Variants in TAOK1 observed in about 807,000 individuals in gnomAD.
TAOK1 encodes TAO kinase 1.
Under a neutral mutation model 138.3 loss-of-function variants are expected in TAOK1, and 21 were observed. That is an observed-to-expected ratio of 0.15 (90% CI 0.11 to 0.22). The LOEUF (loss-of-function observed/expected upper bound fraction) is 0.22. Among genes scored for constraint, TAOK1 ranks in the 10% least tolerant of loss-of-function variants. TAOK1 has a pLI of 1.00. For missense variants in TAOK1, 651 were observed against 1,227.7 expected, an observed-to-expected ratio of 0.53 and a Z score of 7.02; for synonymous variants, 361 against 398.4, an observed-to-expected ratio of 0.91 and a Z score of 1.12.
chr17:29,446,078 CT>C (rs1453883032), intron 1 of TAOK1, among the ~76,000 whole-genome samples: 1 of 152,010 alleles, frequency 6.6e-6, no homozygotes, highest in Non-Finnish European at 1.5e-5. Flanking sequence ...ATTTCCTCAT[CT>C]TTTTAATGTG....
rs1598533079 is a variant in TAOK1 at position 29,542,663 on chromosome 17, A to G, written c.2647A>G (p.Met883Val). Residue 883 changes from methionine (M) to valine (V), a missense_variant, in exon 20 of 20, where the codon ATG becomes GTG. Transcript: ENST00000261716. ...REIEAFDSES[M>V]RLGFSNMVLS... Reference sequence around the variant, plus strand: ...GATTGAAGCTTTTGACTCTGAAAGCATGAGACTAGGTTTTAGTAATATGGT... The same window carrying G: ...GATTGAAGCTTTTGACTCTGAAAGCGTGAGACTAGGTTTTAGTAATATGGT... 1 of 1,614,282 alleles carries G rather than the reference A, an allele frequency of 6.2e-7. No individual in the cohort carries two copies. The highest frequency in any genetic ancestry group is 8.5e-7 in the Non-Finnish European group (1 of 1,180,056).
chr17:29,498,294 G>T, intron 11 of TAOK1, 24 bp from the exon 12 acceptor site: 1 of 1,612,662 alleles, frequency 6.2e-7, no homozygotes, highest in East Asian at 2.2e-5. Flanking sequence ...TATTTGAACT[G>T]AACTGAATGT....
intron 1 of TAOK1, among the ~76,000 whole-genome samples, chr17:29,397,147 T>C (rs1412631634): frequency 6.7e-6 from 1 of 150,094 alleles, no homozygotes; most frequent in African/African-American, 2.5e-5. Flanking sequence ...ATACAAAAAT[T>C]AGCCGGGCGT....
chr17:29,522,124 A>G (rs1174849275), intron 16 of TAOK1, among the ~76,000 whole-genome samples, 156 bp from the exon 17 acceptor site: 1 of 152,268 alleles, frequency 6.6e-6, no homozygotes, highest in East Asian at 1.9e-4. Context: ...TTGCCCATTT[A>G]AAGAGGTAAA....
intron 1 of TAOK1, among the ~76,000 whole-genome samples, chr17:29,436,035 C>G (rs1403244891): frequency 6.6e-6 from 1 of 152,132 alleles, no homozygotes; most frequent in Non-Finnish European, 1.5e-5. Context: ...AAGGCTGAGG[C>G]AAGGGAATCG....
intron 1 of TAOK1, among the ~76,000 whole-genome samples, chr17:29,395,488 G>A (rs983549512): frequency 3.3e-5 from 5 of 152,224 alleles, no homozygotes; most frequent in Admixed American, 2.0e-4. Context: ...TTGAGATGGC[G>A]CCACTGCCTG....
chr17:29,413,633 G>C (rs1379536612), intron 1 of TAOK1, among the ~76,000 whole-genome samples: 1 of 152,058 alleles, frequency 6.6e-6, no homozygotes, highest in Non-Finnish European at 1.5e-5. Context: ...CCATTTTAAA[G>C]TAAACAGTTC....
chr17:29,540,681 C>T (rs894691719), intron 19 of TAOK1, among the ~76,000 whole-genome samples: 21 of 152,206 alleles, frequency 1.4e-4, no homozygotes, highest in African/African-American at 5.1e-4. Context: ...AGCGATTCTT[C>T]TGCTTCAGTC....
At chr17:29,481,429 A>G (rs2031060215) in intron 7 of TAOK1, among the ~76,000 whole-genome samples, 2 of 151,848 alleles carry the variant, frequency 1.3e-5, no homozygotes, top group Admixed American at 1.3e-4. Context: ...TGACCTCGTG[A>G]TCTGTCCACC....
rs1032832341 is a variant in TAOK1 at position 29,508,146 on chromosome 17, T to C, written c.1575+14T>C. 1.9e-6 allele frequency: 3 copies of C among 1,602,064 alleles called. No individual in the cohort carries two copies. The East Asian group carries it at 6.7e-5, about 36-fold the overall frequency. On this transcript the variant is annotated intron_variant, in intron 14 of 19. Coordinates refer to ENST00000261716, the MANE Select transcript of TAOK1 (RefSeq NM_020791.4). ...ATGGAGAAAGAGGTGGCTTATTCAG[T>C]ATTATTACTTTGCTTATTTTAGGTT...
At position 29,517,622 on chromosome 17, in the gene TAOK1, G is replaced by T; in HGVS notation, c.1874G>T (p.Gly625Val). The change falls in exon 16 of 20, where the codon GGG becomes GTG. Residue 625 changes from glycine (G) to valine (V), a missense_variant. By Grantham distance (109) the Gly-to-Val change is moderately radical (BLOSUM62 -3). Coordinates refer to ENST00000261716, the MANE Select transcript of TAOK1 (RefSeq NM_020791.4). ...CRRFKRRMLL[G>V]RHNLEQDLVR... ...CGCTTCAAGAGAAGAATGTTACTTGGGCGTCATAACTTAGAGCAGGACCTT... is the reference window on the plus strand; with the variant it reads ...CGCTTCAAGAGAAGAATGTTACTTGTGCGTCATAACTTAGAGCAGGACCTT... 1.2e-6 allele frequency: 2 copies of T among 1,612,640 alleles called. No individual in the cohort carries two copies. The highest frequency in any genetic ancestry group is 8.5e-7 in the Non-Finnish European group (1 of 1,179,952).
intron 1 of TAOK1, among the ~76,000 whole-genome samples, chr17:29,437,818 C>T (rs2153023154): frequency 1.2e-5 from 1 of 84,426 alleles, no homozygotes; most frequent in South Asian, 3.9e-4. Flanking sequence ...ACTGCAACCT[C>T]TGCCTCCCAG....
intron 10 of TAOK1, 87 bp from the exon 11 acceptor site, chr17:29,495,473 C>A: frequency 1.8e-6 from 2 of 1,137,386 alleles, no homozygotes; most frequent in Non-Finnish European, 2.4e-6. Flanking sequence ...CATTATCTAT[C>A]ATAGGATATT....
chr17:29,416,362 C>G (rs1227159601), intron 1 of TAOK1, among the ~76,000 whole-genome samples: 1 of 151,540 alleles, frequency 6.6e-6, no homozygotes, highest in Non-Finnish European at 1.5e-5. Context: ...TTTTGCTCTT[C>G]TTCATTTCAA....
rs1904374993 is a variant in TAOK1 at position 29,390,410 on chromosome 17, A to C, written c.-709A>C. On this transcript the variant is annotated 5_prime_UTR_variant, in exon 1 of 20. Coordinates refer to ENST00000261716, the MANE Select transcript of TAOK1 (RefSeq NM_020791.4). ...CTTCAGGGCTCGGGGAGAGAGAGGG[A>C]GGGTGGCAAAGAGACTGAGTCGGTG... The C allele has an allele frequency of 6.6e-6, 1 of 151,826 alleles. No homozygotes were observed. Among genetic ancestry groups the C allele is most frequent in the African/African-American group, 2.4e-5 (1 of 41,138 alleles). 9.4% of individuals were successfully genotyped at this position (151,826 alleles called of 1,614,324 possible).
At chr17:29,515,068 T>A (rs1408104367) in intron 15 of TAOK1, 1 of 151,378 alleles carries the variant, frequency 6.6e-6, no homozygotes, top group African/African-American at 2.4e-5. Context: ...TTCACATTGC[T>A]CAATATAAAT....
Position 29,482,287 on chromosome 17 carries a change from A to G in TAOK1, c.654A>G (p.Leu218=), listed in dbSNP as rs765938895. 45 of 1,607,920 alleles carry G rather than the reference A, an allele frequency of 2.8e-5. No individual in the cohort carries two copies. The East Asian group carries it at 9.9e-4, about 35-fold the overall frequency. ...CTCTTGGAATAACATGTATTGAACTAGGTAAGCATTGTTCTTCATTACTAT... is the reference window on the plus strand; with the variant it reads ...CTCTTGGAATAACATGTATTGAACTGGGTAAGCATTGTTCTTCATTACTAT... ...VWSLGITCIE[L]AERKPPLFNM... is the part of the protein sequence containing the mutation. Residue 218 remains leucine, a splice_region_variant and synonymous_variant, in exon 8 of 20, where the codon CTA becomes CTG. Coordinates refer to ENST00000261716, the MANE Select transcript of TAOK1 (RefSeq NM_020791.4).
At chr17:29,464,443 CA>C (rs375412745) in intron 2 of TAOK1, among the ~76,000 whole-genome samples, 231 of 60,556 alleles carry the variant, frequency 3.8e-3, no homozygotes, top group South Asian at 0.015. Context: ...GACTCCATCT[CA>C]AAAAAAAAAA....
chr17:29,487,214 CCAGCCTGGGCAA>C (rs562000696), intron 8 of TAOK1, among the ~76,000 whole-genome samples: 99 of 133,328 alleles, frequency 7.4e-4, no homozygotes, highest in African/African-American at 2.8e-3. Context: ...CCATTGCACT[CCAGCCTGGGCAA>C]CAGAGCGAGA....
Sources: gnomAD v4.1 joint callset for allele counts (sites outside exome capture counted in the v4.1 genomes callset) on GRCh38, gnomAD v4.1.1 for gene constraint, MANE v1.5 for transcripts, NCBI Gene and HGNC (gene_info 2026-07-23, HGNC 2026-07-21) for gene names.